Variants in CCDC190 observed in about 807,000 individuals in gnomAD.
CCDC190 encodes the protein coiled-coil domain containing 190, also known as coiled-coil domain-containing protein 190.
A neutral mutation model predicts 13.1 loss-of-function variants in CCDC190; 10 were observed. That is an observed-to-expected ratio of 0.77 (90% CI 0.47 to 1.30). CCDC190 has a LOEUF of 1.30. Ranked by LOEUF, CCDC190 falls within the 50% of genes most tolerant of loss-of-function variation. The pLI is 0.00. For synonymous variants in CCDC190, 136 were observed against 127.2 expected, an observed-to-expected ratio of 1.07 and a Z score of -0.47; for missense variants, 375 against 354.3, an observed-to-expected ratio of 1.06 and a Z score of -0.47.
intron 2 of CCDC190, among the ~76,000 whole-genome samples, chr1:162,857,769 C>A (rs909313883): frequency 2.6e-5 from 4 of 152,170 alleles, no homozygotes; most frequent in Non-Finnish European, 4.4e-5. Context: ...TTTTGATCAT[C>A]ATTTTTTATA....
chr1:162,854,668 T>C lies in CCDC190; in HGVS notation c.*97A>G. Reference sequence around the variant, plus strand: ...AAAATAAAATTGTAATTCAATTATGTTTGTTTGTTTTTCTCTGTATTGCTT... The same window carrying C: ...AAAATAAAATTGTAATTCAATTATGCTTGTTTGTTTTTCTCTGTATTGCTT... On this transcript the variant is annotated 3_prime_UTR_variant, in exon 4 of 4. Transcript: ENST00000367912. 1 of 1,457,678 alleles carries C rather than the reference T, an allele frequency of 6.9e-7. No individual in the cohort carries two copies. The highest frequency in any genetic ancestry group is 9.0e-7 in the Non-Finnish European group (1 of 1,106,396). 90.3% of individuals were successfully genotyped at this position (1,457,678 alleles called of 1,614,324 possible).
At chr1:162,863,912 G>A (rs186929466), upstream of CCDC190, among the ~76,000 whole-genome samples, 23 of 151,766 alleles carry the variant, frequency 1.5e-4, no homozygotes, top group Admixed American at 2.6e-4. Context: ...CCAGCTACTC[G>A]GGAGGCTGAG....
At position 162,861,035 on chromosome 1, in the gene CCDC190, A is replaced by G; in HGVS notation, c.-40T>C. 1 of 984,772 alleles carries G rather than the reference A, an allele frequency of 1.0e-6. No individual in the cohort carries two copies. Among genetic ancestry groups the G allele is most frequent in the Non-Finnish European group, 1.2e-6 (1 of 829,382 alleles). 61.0% of individuals were successfully genotyped at this position (984,772 alleles called of 1,614,324 possible). ...CCAAATCCAGAGTTTTCACCATGAG[A>G]CTATGTCTTGTTTCTTTTGCTATGT... On this transcript the variant is annotated 5_prime_UTR_variant, in exon 1 of 4. Coordinates refer to ENST00000367912, the MANE Select transcript of CCDC190 (RefSeq NM_001394065.1).
chr1:162,855,706 C>T lies in CCDC190; in HGVS notation c.237G>A (p.Lys79=), dbSNP rs915474849. Residue 79 remains lysine, a synonymous_variant, in exon 3 of 4, where the codon AAG becomes AAA. Coordinates refer to ENST00000367912, the MANE Select transcript of CCDC190 (RefSeq NM_001394065.1). ...FSSYLGNGFQ[K]RPEDVLVFSP... ...AGAACACGAGAACATCTTCTGGTCT[C>T]TTCTGAAATCCATTCCCCAAATAAG... 5 of 1,613,494 alleles carry T rather than the reference C, an allele frequency of 3.1e-6. No individual in the cohort carries two copies. The South Asian group carries it at 3.3e-5, about 11-fold the overall frequency.
intron 1 of CCDC190, among the ~76,000 whole-genome samples, chr1:162,860,338 G>A (rs998910567): frequency 1.3e-5 from 2 of 152,108 alleles, no homozygotes; most frequent in South Asian, 2.1e-4. Flanking sequence ...TAGACTGGGC[G>A]AAAGCTCCTC....
intron 1 of CCDC190, among the ~76,000 whole-genome samples, chr1:162,868,169 G>T (rs1215783980): frequency 2.0e-5 from 3 of 152,148 alleles, no homozygotes; most frequent in African/African-American, 7.2e-5. Context: ...ATAAAATTCT[G>T]CAGGATGTAT....
chr1:162,862,922 T>C (rs1271411785), upstream of CCDC190, among the ~76,000 whole-genome samples: 1 of 151,768 alleles, frequency 6.6e-6, no homozygotes, highest in Admixed American at 6.6e-5. Context: ...GTTTAAATTA[T>C]ATGTGAAACT....
upstream of CCDC190, among the ~76,000 whole-genome samples, chr1:162,863,163 A>G (rs1650577296): frequency 1.3e-5 from 2 of 152,206 alleles, no homozygotes. Context: ...TTTACAGAAT[A>G]TATTTTTAAT....
chr1:162,855,845 G>A, intron 2 of CCDC190, 90 bp from the exon 3 acceptor site: 3 of 1,197,926 alleles, frequency 2.5e-6, no homozygotes, highest in Non-Finnish European at 3.5e-6. Flanking sequence ...CCTTAGGGTG[G>A]GACCTTATTT....
At chr1:162,859,320 G>A in intron 2 of CCDC190, 140 bp downstream of exon 2, 1 of 688,442 alleles carries the variant, frequency 1.5e-6, no homozygotes, top group Non-Finnish European at 2.4e-6. Flanking sequence ...AGGAAGGTTA[G>A]GCAGCCTAAA....
At chr1:162,860,312 C>T (rs935989580) in intron 1 of CCDC190, among the ~76,000 whole-genome samples, 2 of 152,146 alleles carry the variant, frequency 1.3e-5, no homozygotes, top group South Asian at 4.1e-4. Flanking sequence ...GTCTGGGCAA[C>T]ACTGGGGAAG....
At chr1:162,863,521 C>A (rs1017368016), upstream of CCDC190, among the ~76,000 whole-genome samples, 8 of 151,764 alleles carry the variant, frequency 5.3e-5, no homozygotes, top group African/African-American at 4.8e-5. Context: ...AACTGGACAT[C>A]AGTCAGATAG....
In CCDC190 at chr1:162,852,925, T is replaced by G. The variant is rs1650163619; in HGVS notation, c.*1840A>C. On this transcript the variant is annotated 3_prime_UTR_variant, in exon 4 of 4. Coordinates refer to ENST00000367912, the MANE Select transcript of CCDC190 (RefSeq NM_001394065.1). Reference sequence around the variant, plus strand: ...GTAGAAGACAAGAAGAAAGAACTTTTAGGAAAGAGCTTGCGCAGTTTACAA... The same window carrying G: ...GTAGAAGACAAGAAGAAAGAACTTTGAGGAAAGAGCTTGCGCAGTTTACAA... 1.7e-6 allele frequency: 1 copy of G among 582,006 alleles called. No homozygotes were observed. Among genetic ancestry groups the G allele is most frequent in the South Asian group, 2.2e-5 (1 of 44,612 alleles). 36.1% of individuals were successfully genotyped at this position (582,006 alleles called of 1,614,324 possible).
Position 162,859,521 on chromosome 1 carries a change from A to G in CCDC190, c.126T>C (p.His42=). ...TCTGCTCCCAGGTCAGCAATTTCACATGGTAGAGGCAAATAACCTTTAGTC... is the reference window on the plus strand; with the variant it reads ...TCTGCTCCCAGGTCAGCAATTTCACGTGGTAGAGGCAAATAACCTTTAGTC... ...LQRLKVICLY[H]VKLLTWEQRQ... The change falls in exon 2 of 4, where the codon CAT becomes CAC. Residue 42 remains histidine, a synonymous_variant. Transcript: ENST00000367912. 2 of 1,613,766 alleles carry G rather than the reference A, an allele frequency of 1.2e-6. No individual in the cohort carries two copies. The highest frequency in any genetic ancestry group is 1.7e-6 in the Non-Finnish European group (2 of 1,179,802).
chr1:162,853,237 G>A lies in CCDC190; in HGVS notation c.*1528C>T. On this transcript the variant is annotated 3_prime_UTR_variant, in exon 4 of 4. Coordinates refer to ENST00000367912, the MANE Select transcript of CCDC190 (RefSeq NM_001394065.1). ...GGTGGTAGTGTGGTGTAATGAAAGA[G>A]CATGAGCAAGGAAATTGAGTAGAAG... 1 of 1,183,954 alleles carries A rather than the reference G, an allele frequency of 8.4e-7. No individual in the cohort carries two copies. Among genetic ancestry groups the A allele is most frequent in the Non-Finnish European group, 1.2e-6 (1 of 857,468 alleles). The allele number at this position is 1,183,954 out of a possible 1,614,324, so 73.3% of individuals were successfully genotyped here.
intron 2 of CCDC190, 64 bp from the exon 3 acceptor site, chr1:162,855,819 G>T (rs1388396888): frequency 1.4e-6 from 2 of 1,460,670 alleles, no homozygotes; most frequent in Admixed American, 2.0e-5. Flanking sequence ...TTATGCTCAA[G>T]TCCTAACCCC....
At chr1:162,860,182 T>G (rs184126308) in intron 1 of CCDC190, among the ~76,000 whole-genome samples, 4 of 152,296 alleles carry the variant, frequency 2.6e-5, no homozygotes, top group Admixed American at 2.0e-4. Flanking sequence ...TGCCAGGTGC[T>G]ATGCTAAAAG....
intron 2 of CCDC190, among the ~76,000 whole-genome samples, chr1:162,857,282 C>T (rs1650336312): frequency 6.6e-6 from 1 of 152,196 alleles, no homozygotes; most frequent in African/African-American, 2.4e-5. Context: ...TCTACTCTGA[C>T]TATAGTCTGA....
rs78032080 is a variant in CCDC190, at chr1:162,859,537, A to T, written c.110T>A (p.Val37Asp). The T allele has an allele frequency of 1.1e-3, 1,717 of 1,613,644 alleles. 24 individuals carry two copies. In the African/African-American group the frequency reaches 0.021, roughly 19 times the overall value. The change falls in exon 2 of 4, where the codon GTT becomes GAT. Residue 37 changes from valine to aspartate, a missense_variant. By Grantham distance (152) the Val-to-Asp change is radical (BLOSUM62 -3). Transcript: ENST00000367912. The part of the protein sequence containing the change: ...RLDQRLQRLK[V>D]ICLYHVKLLT... ...CAATTTCACATGGTAGAGGCAAATA[A>T]CCTTTAGTCTCTGCAGTCTTTGGTC...
Sources: allele counts gnomAD v4.1 joint callset (sites outside exome capture counted in the v4.1 genomes callset), GRCh38; gene constraint gnomAD v4.1.1; transcripts MANE v1.5; gene names NCBI Gene and HGNC (gene_info 2026-07-23, HGNC 2026-07-21).